GNAQ: variants seen among roughly 807,000 people sequenced by gnomAD.
The protein encoded by GNAQ is G protein subunit alpha q.
Under a neutral mutation model 43.9 loss-of-function variants are expected in GNAQ, and 8 were observed. The observed-to-expected ratio is 0.18, with a 90% CI of 0.11 to 0.33. The LOEUF is 0.33. Ranked by LOEUF, GNAQ falls within the 10% of genes least tolerant of loss-of-function variation. The pLI is 1.00. For missense variants in GNAQ, 158 were observed against 450.8 expected, an observed-to-expected ratio of 0.35 and a Z score of 5.88; for synonymous variants, 155 against 170.7, an observed-to-expected ratio of 0.91 and a Z score of 0.71.
Position 78,031,264 on chromosome 9 carries a change from G to C in GNAQ, c.-29C>G. ...TCCAAAGTGCCTCCGCTGCAGCCCC[G>C]CCGGCACCCCCTGCTCACAGCGCGC... On this transcript the variant is annotated 5_prime_UTR_variant, in exon 1 of 7. Coordinates refer to ENST00000286548, the MANE Select transcript of GNAQ (RefSeq NM_002072.5). 1 of 1,467,190 alleles carries C rather than the reference G, an allele frequency of 6.8e-7. No homozygotes were observed. The highest frequency in any genetic ancestry group is 9.1e-7 in the Non-Finnish European group (1 of 1,096,070). The allele number at this position is 1,467,190 out of a possible 1,614,324, so 90.9% of individuals were successfully genotyped here.
chr9:77,932,718 G>A (rs1007915386), intron 1 of GNAQ, among the ~76,000 whole-genome samples: 7 of 152,166 alleles, frequency 4.6e-5, no homozygotes, highest in Admixed American at 2.6e-4. Context: ...GTCACCTGGA[G>A]CATTATATTT....
chr9:77,945,331 TAAG>T (rs1215628886), intron 1 of GNAQ, among the ~76,000 whole-genome samples: 39 of 151,842 alleles, frequency 2.6e-4, no homozygotes. Flanking sequence ...AGTAAGAAAA[TAAG>T]TAGTTTAAAA....
At chr9:77,814,930 G>A (rs1826988246) in intron 3 of GNAQ, among the ~76,000 whole-genome samples, 1 of 152,192 alleles carries the variant, frequency 6.6e-6, no homozygotes, top group Non-Finnish European at 1.5e-5. Flanking sequence ...TCCAATGATT[G>A]CCAAATCTTT....
chr9:77,962,110 T>C (rs1823113706), intron 1 of GNAQ, among the ~76,000 whole-genome samples: 1 of 149,612 alleles, frequency 6.7e-6, no homozygotes, highest in Non-Finnish European at 1.5e-5. Context: ...GACACAAAAA[T>C]AGAAATTATC....
At position 77,721,408 on chromosome 9, in the gene GNAQ, G is replaced by C; in HGVS notation, c.995C>G (p.Thr332Arg). 6.2e-7 allele frequency: 1 copy of C among 1,613,370 alleles called. No homozygotes were observed. Among genetic ancestry groups the C allele is most frequent in the South Asian group, 1.1e-5 (1 of 91,050 alleles). ...GACAAAGCGGATATTCTCGGTGTCT[G>C]TGGCGCACGTGAAGTGGGAGTAGAT... ...KIIYSHFTCA[T>R]DTENIRFVFA... is the part of the protein sequence containing the mutation. The change falls in exon 7 of 7, where the codon ACA becomes AGA. Residue 332 changes from threonine (T) to arginine (R), a missense_variant. Around this residue, in one of 9 missense-constraint regions of GNAQ, gnomAD observed 56 missense variants for 172.2 expected, o/e 0.33. Transcript: ENST00000286548.
At chr9:77,880,757 A>G (rs1333190406) in intron 2 of GNAQ, among the ~76,000 whole-genome samples, 1 of 151,974 alleles carries the variant, frequency 6.6e-6, no homozygotes, top group African/African-American at 2.4e-5. Flanking sequence ...ATTTTCTGTT[A>G]GTTTGCCCCT....
At chr9:77,843,723 T>C (rs1662538729) in intron 2 of GNAQ, among the ~76,000 whole-genome samples, 1 of 152,174 alleles carries the variant, frequency 6.6e-6, no homozygotes, top group South Asian at 2.1e-4. Flanking sequence ...TCTTTGGAAA[T>C]ATAATGAACA....
At chr9:78,024,432 C>T (rs373121091) in intron 1 of GNAQ, among the ~76,000 whole-genome samples, 27 of 152,268 alleles carry the variant, frequency 1.8e-4, no homozygotes, top group African/African-American at 6.3e-4. Flanking sequence ...TCCCTAGTTA[C>T]TGATAATAGA....
At chr9:78,030,098 G>A (rs1375268688) in intron 1 of GNAQ, among the ~76,000 whole-genome samples, 1 of 152,028 alleles carries the variant, frequency 6.6e-6, no homozygotes. Context: ...AATTTTTCCT[G>A]TATGCTTCCC....
At position 77,894,075 on chromosome 9, in the gene GNAQ, T is replaced by C. The variant is rs77779332; in HGVS notation, c.321+28086A>G. Among the ~76,000 whole-genome samples the C allele has an allele frequency of 1.6e-3, 244 of 152,074 alleles. 3 individuals are homozygous for C. The East Asian group carries it at 0.038, about 24-fold the overall frequency. ...TTTTAGAGGTGAGGAAAATGTGTCC[T>C]AGAGAAATTATCTCACATGGCAAAT... On this transcript the variant is annotated intron_variant, in intron 2 of 6. Coordinates refer to ENST00000286548, the MANE Select transcript of GNAQ (RefSeq NM_002072.5).
intron 5 of GNAQ, among the ~76,000 whole-genome samples, chr9:77,729,908 TG>T (rs1825461919): frequency 6.6e-6 from 1 of 152,208 alleles, no homozygotes; most frequent in Non-Finnish European, 1.5e-5. Context: ...CCCTCATTTA[TG>T]GTAATTAGTT....
At chr9:77,989,615 C>T (rs1033194911) in intron 1 of GNAQ, among the ~76,000 whole-genome samples, 6 of 152,196 alleles carry the variant, frequency 3.9e-5, no homozygotes, top group South Asian at 4.1e-4. Flanking sequence ...AGCCCTGTGG[C>T]GGGCTTGCTA....
intron 2 of GNAQ, among the ~76,000 whole-genome samples, chr9:77,837,897 G>A (rs1029976961): frequency 1.4e-5 from 2 of 138,386 alleles, no homozygotes; most frequent in Admixed American, 8.1e-5. Context: ...TGCCTGGGCT[G>A]GAGTGCAGTG....
chr9:77,760,663 C>T (rs1316649303), intron 5 of GNAQ, among the ~76,000 whole-genome samples: 2 of 151,766 alleles, frequency 1.3e-5, no homozygotes, highest in African/African-American at 4.8e-5. Flanking sequence ...TCTGCCTGGC[C>T]ACCCATCATC....
At chr9:77,953,953 T>C (rs1823012384) in intron 1 of GNAQ, among the ~76,000 whole-genome samples, 1 of 152,228 alleles carries the variant, frequency 6.6e-6, no homozygotes, top group Non-Finnish European at 1.5e-5. Context: ...TAATTATCTA[T>C]TCCTATCAAA....
intron 2 of GNAQ, among the ~76,000 whole-genome samples, chr9:77,853,774 CAAAAAAAAAAA>C (rs34924714): frequency 2.5e-4 from 14 of 56,760 alleles, no homozygotes; most frequent in Non-Finnish European, 3.1e-4. Flanking sequence ...AAATTACTAC[CAAAAAAAAAAA>C]AAAAAAAAAA....
chr9:77,761,509 C>A (rs1296311278), intron 5 of GNAQ, among the ~76,000 whole-genome samples: 1 of 143,044 alleles, frequency 7.0e-6, no homozygotes, highest in Non-Finnish European at 1.5e-5. Context: ...GGGAGGTCAG[C>A]CCCCCGCCCG....
At chr9:77,723,345 TA>T in intron 6 of GNAQ, among the ~76,000 whole-genome samples, 1 of 152,278 alleles carries the variant, frequency 6.6e-6, no homozygotes, top group Non-Finnish European at 1.5e-5. Context: ...CTCAAAAAGC[TA>T]AACATAGAAT....
At chr9:77,904,317 C>CCTT (rs1244010736) in intron 2 of GNAQ, among the ~76,000 whole-genome samples, 4 of 77,406 alleles carry the variant, frequency 5.2e-5, no homozygotes, top group African/African-American at 2.3e-4. Flanking sequence ...TTCACACCGG[C>CCTT]TTTTTTTTTT....
Sources: gnomAD v4.1 joint callset for allele counts (sites outside exome capture counted in the v4.1 genomes callset) on GRCh38, gnomAD v4.1.1 for gene constraint, gnomAD v4.1.1 regional missense constraint, MANE v1.5 for transcripts, NCBI Gene and HGNC (gene_info 2026-07-23, HGNC 2026-07-21) for gene names.